Variants in PABPC1L observed in about 807,000 individuals in gnomAD.
The protein encoded by PABPC1L is poly(A) binding protein cytoplasmic 1 like, also known as polyadenylate-binding protein 1-like.
In PABPC1L, 31 loss-of-function variants were observed where a neutral mutation model predicts 66.6. That is an observed-to-expected ratio of 0.47 (90% CI 0.35 to 0.63). The LOEUF is 0.63. Ranked by LOEUF, PABPC1L falls within the 20% of genes least tolerant of loss-of-function variation. The pLI, the probability that PABPC1L is intolerant of heterozygous loss-of-function variation, is 0.00. For synonymous variants in PABPC1L, 348 were observed against 335.1 expected (o/e 1.04, Z -0.42); for missense variants, 722 against 848.8 (o/e 0.85, Z 1.86).
chr20:44,932,261 C>T, intron 8 of PABPC1L, 81 bp from the exon 9 acceptor site: 2 of 1,127,034 alleles, frequency 1.8e-6, no homozygotes, highest in Non-Finnish European at 1.3e-6. Flanking sequence ...GGAGTTCCTG[C>T]CATGGTGTCC....
chr20:44,924,496 G>A (rs1176385116), intron 7 of PABPC1L, among the ~76,000 whole-genome samples: 1 of 152,188 alleles, frequency 6.6e-6, no homozygotes, highest in African/African-American at 2.4e-5. Context: ...GGGGCTCACT[G>A]TCACCTTGGC....
intron 8 of PABPC1L, among the ~76,000 whole-genome samples, chr20:44,931,299 C>T (rs1441991356): frequency 6.6e-6 from 1 of 151,418 alleles, no homozygotes; most frequent in Non-Finnish European, 1.5e-5. Context: ...ACTGTAGCCT[C>T]CTGAGTAGGT....
In PABPC1L at chr20:44,919,049, G is replaced by A. The variant is rs181850070; in HGVS notation, c.643+4G>A. 1.3e-4 allele frequency: 203 copies of A among 1,611,340 alleles called. 1 individual carries two copies. The African/African-American group carries it at 2.3e-3, about 18-fold the overall frequency. On this transcript the variant is annotated splice_donor_region_variant and intron_variant, in intron 4 of 14. Coordinates refer to ENST00000217073, the MANE Select transcript of PABPC1L (RefSeq NM_001372179.1). ...CAGGACCTCTTCTCCCAGTTTGGTG[G>A]GTGTGTCCCCAAGGGAGCGGGGGGA...
At chr20:44,928,864 C>CAAAAAAAAAAAAAAAAA (rs10597679) in intron 7 of PABPC1L, among the ~76,000 whole-genome samples, 1 of 54,338 alleles carries the variant, frequency 1.8e-5, no homozygotes, top group Non-Finnish European at 3.0e-5. Flanking sequence ...GATCCTGACT[C>CAAAAAAAAAAAAAAAAA]AAAAAAAAAA....
In PABPC1L at chr20:44,919,242, T is replaced by G. The variant is rs1488913964; in HGVS notation, c.703T>G (p.Phe235Val). ...DNSGHSRCFG[F>V]VNFEKHEEAQ... ...CAGCGGCCACTCGCGGTGCTTTGGCTTTGTCAACTTTGAGAAGCATGAGGA... is the reference window on the plus strand; with the variant it reads ...CAGCGGCCACTCGCGGTGCTTTGGCGTTGTCAACTTTGAGAAGCATGAGGA... Residue 235 changes from phenylalanine to valine, a missense_variant, in exon 5 of 15, where the codon TTT becomes GTT. Phe to Val is a conservative substitution (Grantham distance 50). Around this residue, in one of 3 missense-constraint regions of PABPC1L, gnomAD observed 137 missense variants for 216.8 expected, o/e 0.63. Transcript: ENST00000217073. 1 of 1,614,054 alleles carries G rather than the reference T, an allele frequency of 6.2e-7. No individual in the cohort carries two copies. Among genetic ancestry groups the G allele is most frequent in the East Asian group, 2.2e-5 (1 of 44,880 alleles).
chr20:44,918,000 G>GTGT (rs2066748792), intron 3 of PABPC1L, among the ~76,000 whole-genome samples: 1 of 152,140 alleles, frequency 6.6e-6, no homozygotes, highest in Admixed American at 6.5e-5. Flanking sequence ...TTTCCTAGAT[G>GTGT]TGTTTACATG....
intron 8 of PABPC1L, 44 bp from the exon 9 acceptor site, chr20:44,932,298 C>G: frequency 6.6e-7 from 1 of 1,519,972 alleles, no homozygotes; most frequent in Non-Finnish European, 9.0e-7. Context: ...TCTCACCTAC[C>G]CTGCCGCCAA....
intron 7 of PABPC1L, among the ~76,000 whole-genome samples, chr20:44,927,598 C>G (rs112886062): frequency 0.012 from 1,828 of 152,274 alleles, 31 homozygotes; most frequent in African/African-American, 0.039. Context: ...ATCCACCTGC[C>G]TCAGCCTCCC....
chr20:44,930,737 G>A lies in PABPC1L; in HGVS notation c.1239+11G>A. On this transcript the variant is annotated intron_variant, in intron 8 of 14. Transcript: ENST00000217073. ...CCTGCCATGCCCCAGGTGACGGCCTGCCCGCAACTCCCACCGCAGCCTTCC... is the reference window on the plus strand; with the variant it reads ...CCTGCCATGCCCCAGGTGACGGCCTACCCGCAACTCCCACCGCAGCCTTCC... 1 of 1,609,790 alleles carries A rather than the reference G, an allele frequency of 6.2e-7. No homozygotes were observed. The highest frequency in any genetic ancestry group is 8.5e-7 in the Non-Finnish European group (1 of 1,178,590).
chr20:44,935,130 A>G (rs114344410), intron 10 of PABPC1L, among the ~76,000 whole-genome samples: 87 of 152,082 alleles, frequency 5.7e-4, no homozygotes, highest in African/African-American at 1.9e-3. Flanking sequence ...CCTGCTTTCA[A>G]TTCTTTTGGG....
chr20:44,936,449 G>C (rs1344028837), intron 11 of PABPC1L, among the ~76,000 whole-genome samples, 188 bp from the exon 12 acceptor site: 1 of 152,160 alleles, frequency 6.6e-6, no homozygotes, highest in Non-Finnish European at 1.5e-5. Context: ...CTAAGCTAGA[G>C]GCATGACTTT....
chr20:44,932,296 AC>A (rs2066866011), intron 8 of PABPC1L, 45 bp from the exon 9 acceptor site: 2 of 1,509,338 alleles, frequency 1.3e-6, no homozygotes, highest in Non-Finnish European at 1.8e-6. Context: ...CTTCTCACCT[AC>A]CCTGCCGCCA....
chr20:44,912,037 T>G (rs1009563380), intron 1 of PABPC1L, among the ~76,000 whole-genome samples: 6 of 152,202 alleles, frequency 3.9e-5, no homozygotes, highest in African/African-American at 1.4e-4. Flanking sequence ...AACAAGGCAC[T>G]TTTACATACC....
At chr20:44,930,872 A>T (rs185865072) in intron 8 of PABPC1L, 146 bp downstream of exon 8, 1 of 1,134,418 alleles carries the variant, frequency 8.8e-7, no homozygotes, top group East Asian at 2.5e-5. Flanking sequence ...CCTCTCTATA[A>T]AAGGGAGAGA....
rs1348598909 is a variant in PABPC1L at position 44,936,594 on chromosome 20, C to A, written c.1567-43C>A. On this transcript the variant is annotated intron_variant, in intron 11 of 14. Transcript: ENST00000217073. Reference sequence around the variant, plus strand: ...CCAGGGTAAGTATTTTGAGGACATGCCTGTCCATGGTGATTAAGGGATGTG... The same window carrying A: ...CCAGGGTAAGTATTTTGAGGACATGACTGTCCATGGTGATTAAGGGATGTG... The A allele has an allele frequency of 4.7e-6, 7 of 1,480,808 alleles. No individual in the cohort carries two copies. The Admixed American group carries it at 1.5e-4, about 32-fold the overall frequency. The allele number at this position is 1,480,808 out of a possible 1,614,324, so 91.7% of individuals were successfully genotyped here. A position where few individuals can be genotyped will look rare whatever the true frequency, so the allele number is the denominator to read the frequency against.
intron 3 of PABPC1L, 61 bp from the exon 4 acceptor site, chr20:44,918,845 A>G: frequency 1.3e-6 from 2 of 1,521,588 alleles, no homozygotes; most frequent in Non-Finnish European, 1.8e-6. Context: ...AGGAGTTGGC[A>G]TGGGGGTGGC....
At chr20:44,921,221 C>T (rs890041229) in intron 5 of PABPC1L, among the ~76,000 whole-genome samples, 1 of 150,746 alleles carries the variant, frequency 6.6e-6, no homozygotes, top group African/African-American at 2.5e-5. Context: ...GTGATCTCAG[C>T]TCACCGCAAC....
chr20:44,917,199 G>T lies in PABPC1L; in HGVS notation c.503+328G>T, dbSNP rs145089676. ...CCTTCTCAGTATGGGGTGTATGTGT[G>T]TGTGACAGGGTCTTGCTATGTAGCC... On this transcript the variant is annotated intron_variant, in intron 3 of 14. Coordinates refer to ENST00000217073, the MANE Select transcript of PABPC1L (RefSeq NM_001372179.1). Among the ~76,000 whole-genome samples, 82 of 152,180 alleles carry T rather than the reference G, an allele frequency of 5.4e-4. No homozygotes were observed. The Middle Eastern group carries it at 0.014, about 25-fold the overall frequency.
At chr20:44,936,819 A>G in intron 12 of PABPC1L, 89 bp downstream of exon 12, 1 of 1,336,436 alleles carries the variant, frequency 7.5e-7, no homozygotes, top group Non-Finnish European at 1.1e-6. Flanking sequence ...TGGTGGTCCA[A>G]CGTGAGGTCA....
Sources: allele counts gnomAD v4.1 joint callset (sites outside exome capture counted in the v4.1 genomes callset), GRCh38; gene constraint gnomAD v4.1.1; regional missense constraint gnomAD v4.1.1; transcripts MANE v1.5; gene names NCBI Gene and HGNC (gene_info 2026-07-23, HGNC 2026-07-21).